The following TCTN1 variants were observed in gnomAD, a reference collection of about 807,000 sequenced individuals.
The protein encoded by TCTN1 is tectonic family member 1, also known as tectonic-1.
Under a neutral mutation model 65.8 loss-of-function variants are expected in TCTN1, and 58 were observed. That is an observed-to-expected ratio of 0.88 (90% CI 0.71 to 1.10). The LOEUF is 1.10. TCTN1 is among the 50% of genes least tolerant of loss of function. The probability of loss-of-function intolerance (pLI) is 0.00; values close to 1 mark genes in which losing one functional copy is unlikely to be tolerated. For synonymous variants in TCTN1, 273 were observed against 289.1 expected, an observed-to-expected ratio of 0.94 and a Z score of 0.57; for missense variants, 645 against 719.4, an observed-to-expected ratio of 0.90 and a Z score of 1.18.
In TCTN1 at chr12:110,649,125, T is replaced by A. The variant is rs1379598378; in HGVS notation, c.*84T>A. On this transcript the variant is annotated 3_prime_UTR_variant, in exon 15 of 15. Transcript: ENST00000397659. The stretch of plus-strand genomic sequence containing the variant: ...GGTGAGATTAAATTTTATATACAAC[T>A]AGCAATTGTCCAGCTTTGTTGCTCA... 6 of 664,398 alleles carry A rather than the reference T, an allele frequency of 9.0e-6. No individual in the cohort carries two copies. The highest frequency in any genetic ancestry group is 2.4e-4 in the Middle Eastern group (1 of 4,152). The allele number at this position is 664,398 out of a possible 1,614,324, so 41.2% of individuals were successfully genotyped here.
At chr12:110,635,052 C>T (rs1001480701) in intron 6 of TCTN1, among the ~76,000 whole-genome samples, 6 of 152,030 alleles carry the variant, frequency 3.9e-5, no homozygotes, top group African/African-American at 4.8e-5. Flanking sequence ...CAAATCTTTA[C>T]GAATAACTAA....
intron 3 of TCTN1, 152 bp downstream of exon 3, chr12:110,626,644 A>G: frequency 5.3e-6 from 4 of 757,534 alleles, no homozygotes; most frequent in Non-Finnish European, 8.2e-6. Context: ...CAGTGGCGCA[A>G]TCTCGGCTCA....
chr12:110,646,203 A>G (rs1157573347), intron 12 of TCTN1: 1 of 152,164 alleles, frequency 6.6e-6, no homozygotes, highest in African/African-American at 2.4e-5. Context: ...AGGCACGAGC[A>G]CCTGCTAAAC....
At chr12:110,614,580 A>G (rs2064905909) in intron 1 of TCTN1, 178 bp downstream of exon 1, 2 of 1,296,968 alleles carry the variant, frequency 1.5e-6, no homozygotes, top group South Asian at 1.3e-5. Flanking sequence ...AGCTGTTACT[A>G]TCACTGTCAG....
chr12:110,634,121 G>A (rs11065684), intron 5 of TCTN1, among the ~76,000 whole-genome samples: 1 of 152,154 alleles, frequency 6.6e-6, no homozygotes, highest in Non-Finnish European at 1.5e-5. Context: ...GGGCAGAATA[G>A]TGTATATATT....
chr12:110,643,659 G>A (rs867347950), intron 11 of TCTN1: 3 of 152,044 alleles, frequency 2.0e-5, no homozygotes, highest in Non-Finnish European at 4.4e-5. Context: ...ATTTTGGTTA[G>A]ACCAATATTT....
chr12:110,619,806 T>C, intron 1 of TCTN1, 30 bp from the exon 2 acceptor site: 1 of 1,613,830 alleles, frequency 6.2e-7, no homozygotes, highest in Non-Finnish European at 8.5e-7. Flanking sequence ...GATGGTGATG[T>C]TCTGGATCCT....
In TCTN1 at chr12:110,640,628, G is replaced by T; in HGVS notation, c.978+111G>T. The T allele has an allele frequency of 6.8e-7, 1 of 1,479,400 alleles. No individual in the cohort carries two copies. Among genetic ancestry groups the T allele is most frequent in the Non-Finnish European group, 9.4e-7 (1 of 1,063,782 alleles). The allele number at this position is 1,479,400 out of a possible 1,614,324, so 91.6% of individuals were successfully genotyped here. ...ACGCTCTGTCCCAGCCCATGGTGTG[G>T]CTTTTCTTGGCTCAGCTGCCTGCTT... On this transcript the variant is annotated intron_variant, in intron 8 of 14. Transcript: ENST00000397659. This position sits in a 1 kb window ranked among gnomAD's most constrained non-coding sequence, Gnocchi z 4.9.
intron 10 of TCTN1, chr12:110,641,889 C>A (rs1167183466): frequency 1.9e-6 from 1 of 525,418 alleles, no homozygotes; most frequent in African/African-American, 2.0e-5. Flanking sequence ...TTTTTTTTTT[C>A]AGCCTGCCAT....
intron 7 of TCTN1, among the ~76,000 whole-genome samples, chr12:110,638,207 C>T (rs2066711722): frequency 6.6e-6 from 1 of 152,148 alleles, no homozygotes; most frequent in Admixed American, 6.6e-5. Context: ...CAGCTCTACT[C>T]TGTGAGCCCA....
chr12:110,629,457 G>T (rs934395165), intron 4 of TCTN1: 1 of 152,602 alleles, frequency 6.6e-6, no homozygotes, highest in African/African-American at 2.4e-5. Flanking sequence ...CTTTTCAAAA[G>T]AAGACATTTA....
chr12:110,620,810 C>CTTTTTTT (rs1216049794), intron 2 of TCTN1, among the ~76,000 whole-genome samples: 5 of 133,330 alleles, frequency 3.8e-5, no homozygotes, highest in Non-Finnish European at 8.1e-5. Context: ...TTCAAGGCTT[C>CTTTTTTT]TTTTTTTTTT....
intron 7 of TCTN1, among the ~76,000 whole-genome samples, chr12:110,638,653 G>A (rs1389461109): frequency 2.6e-5 from 4 of 152,318 alleles, no homozygotes; most frequent in Admixed American, 2.6e-4. Flanking sequence ...CGAGACGAGG[G>A]CAGCTCCTGC....
chr12:110,621,714 C>T (rs955768255), intron 2 of TCTN1, among the ~76,000 whole-genome samples: 6 of 151,822 alleles, frequency 4.0e-5, no homozygotes, highest in East Asian at 1.9e-4. Flanking sequence ...CCTCGTGATC[C>T]GCCCACCTCG....
chr12:110,636,551 A>G, intron 7 of TCTN1, 50 bp downstream of exon 7: 1 of 1,093,502 alleles, frequency 9.1e-7, no homozygotes, highest in Non-Finnish European at 1.4e-6. Context: ...AGTTTATAAT[A>G]CTGTCTTATT....
At chr12:110,648,835 T>C (rs2067614117) in intron 14 of TCTN1, 1 of 361,758 alleles carries the variant, frequency 2.8e-6, no homozygotes, top group Admixed American at 4.2e-5. Flanking sequence ...TATACAGTAG[T>C]TGTACAGTAA....
At chr12:110,619,765 C>T (rs913542578) in intron 1 of TCTN1, 71 bp from the exon 2 acceptor site, 2 of 1,608,806 alleles carry the variant, frequency 1.2e-6, no homozygotes, top group Non-Finnish European at 1.7e-6. Flanking sequence ...TTATGGTACA[C>T]TGTGGTGGCA....
In TCTN1 at chr12:110,625,994, C is replaced by T. The variant is rs1017825814; in HGVS notation, c.342-368C>T. On this transcript the variant is annotated intron_variant, in intron 2 of 14. Transcript: ENST00000397659. ...GTCCCCATCTCCTGACCTTGTGATC[C>T]GCCTACCTCGGCCTCCCAAAGTGCT... is the stretch of plus-strand genomic sequence containing the variant. 83 of 188,636 alleles carry T rather than the reference C, an allele frequency of 4.4e-4. 1 individual carries two copies. The highest frequency in any genetic ancestry group is 6.9e-4 in the Non-Finnish European group (63 of 91,094). The allele number at this position is 188,636 out of a possible 1,614,324, so 11.7% of individuals were successfully genotyped here.
chr12:110,620,542 G>A (rs2065350654), intron 2 of TCTN1, among the ~76,000 whole-genome samples: 1 of 152,314 alleles, frequency 6.6e-6, no homozygotes, highest in Non-Finnish European at 1.5e-5. Flanking sequence ...TTCAATTTGA[G>A]TTGTAGACAG....
Sources: gnomAD v4.1 joint callset for allele counts (sites outside exome capture counted in the v4.1 genomes callset) on GRCh38, gnomAD v4.1.1 for gene constraint, Gnocchi (gnomAD v3.1) non-coding constraint, MANE v1.5 for transcripts, NCBI Gene and HGNC (gene_info 2026-07-23, HGNC 2026-07-21) for gene names.